Variants in DOCK2 observed in about 807,000 individuals in gnomAD.
DOCK2 encodes the protein dedicator of cytokinesis 2.
Under a neutral mutation model 248.9 loss-of-function variants are expected in DOCK2, and 87 were observed. That is an observed-to-expected ratio of 0.35 (90% CI 0.29 to 0.42). The LOEUF is 0.42. Ranked by LOEUF, DOCK2 falls within the 10% of genes least tolerant of loss-of-function variation. DOCK2 has a pLI of 1.00. For synonymous variants in DOCK2, 805 were observed against 821.6 expected (o/e 0.98, Z 0.35); for missense variants, 1,747 against 2,300.2 (o/e 0.76, Z 4.92).
chr5:170,025,819 C>CCTTCCTTCCTTCCTT (rs1412013470), intron 33 of DOCK2, among the ~76,000 whole-genome samples: 1 of 104,624 alleles, frequency 9.6e-6, no homozygotes. Flanking sequence ...TTCCTTCCTT[C>CCTTCCTTCCTTCCTT]CTTCCTTCCT....
intron 25 of DOCK2, among the ~76,000 whole-genome samples, chr5:169,800,798 T>C (rs1204706151): frequency 6.6e-6 from 1 of 152,098 alleles, no homozygotes; most frequent in East Asian, 1.9e-4. Context: ...GAACTAGTTA[T>C]CGGAGAGGAG....
At chr5:169,869,868 C>A (rs1239214777) in intron 27 of DOCK2, among the ~76,000 whole-genome samples, 1 of 152,210 alleles carries the variant, frequency 6.6e-6, no homozygotes, top group Non-Finnish European at 1.5e-5. Context: ...CCCATCCTTA[C>A]CATCTTCCAC....
intron 27 of DOCK2, among the ~76,000 whole-genome samples, chr5:169,879,130 A>G (rs552773708): frequency 2.0e-5 from 3 of 152,328 alleles, no homozygotes; most frequent in Admixed American, 6.5e-5. Flanking sequence ...AGGAAACCGT[A>G]TGCATGGCTA....
At position 169,831,415 on chromosome 5, in the gene DOCK2, C is replaced by T. The variant is rs972257157; in HGVS notation, c.2704-9342C>T. Among the ~76,000 whole-genome samples, 80 of 152,294 alleles carry T rather than the reference C, an allele frequency of 5.3e-4. 1 individual carries two copies. Among genetic ancestry groups the T allele is most frequent in the African/African-American group, 1.9e-3 (79 of 41,566 alleles). On this transcript the variant is annotated intron_variant, in intron 26 of 51. Transcript: ENST00000520908. ...TAGGTATTATAAACAATGCAATATG[C>T]TACAAGCAGCTGTGCACACAACTGT...
At position 170,012,731 on chromosome 5, in the gene DOCK2, C is replaced by A. The variant is rs145208070; in HGVS notation, c.3232+3985C>A. On this transcript the variant is annotated intron_variant, in intron 32 of 51. Coordinates refer to ENST00000520908, the MANE Select transcript of DOCK2 (RefSeq NM_004946.3). ...TTTACTTTTCCCAGTAGTATAGCAT[C>A]GTAACACTTGATTTCTGCTCGGCAT... 2.6e-5 allele frequency among the ~76,000 whole-genome samples: 4 copies of A among 152,268 alleles called. No individual in the cohort carries two copies. In the South Asian group the frequency reaches 8.3e-4, roughly 32 times the overall value.
chr5:169,988,454 G>A (rs1251906643), intron 29 of DOCK2, among the ~76,000 whole-genome samples: 2 of 152,078 alleles, frequency 1.3e-5, no homozygotes, highest in Admixed American at 6.6e-5. Flanking sequence ...AGAAACAGAA[G>A]CCATTTCATT....
At chr5:170,021,254 G>T (rs562962133) in intron 33 of DOCK2, among the ~76,000 whole-genome samples, 1 of 152,180 alleles carries the variant, frequency 6.6e-6, no homozygotes, top group Non-Finnish European at 1.5e-5. Flanking sequence ...AGGCAGCTTG[G>T]AATTTGCTGC....
At chr5:169,992,622 G>A (rs1049366475) in intron 29 of DOCK2, among the ~76,000 whole-genome samples, 11 of 152,046 alleles carry the variant, frequency 7.2e-5, no homozygotes, top group East Asian at 5.8e-4. Flanking sequence ...TCGCCACCAC[G>A]CCCAGCTAAT....
intron 41 of DOCK2, 22 bp from the exon 42 acceptor site, chr5:170,055,283 T>A: frequency 6.2e-7 from 1 of 1,612,488 alleles, no homozygotes; most frequent in East Asian, 2.2e-5. Flanking sequence ...CAGATATAAG[T>A]CCTTAACTAC....
chr5:169,954,392 T>TATTTTG (rs1776784234), intron 27 of DOCK2, among the ~76,000 whole-genome samples: 1 of 152,378 alleles, frequency 6.6e-6, no homozygotes, highest in South Asian at 2.1e-4. Flanking sequence ...AGCTTTTATC[T>TATTTTG]ATTTTGATTT....
chr5:169,881,394 G>A (rs1460552632), intron 27 of DOCK2: 5 of 1,551,490 alleles, frequency 3.2e-6, no homozygotes, highest in Non-Finnish European at 4.4e-6. Context: ...CCGTGTTCTG[G>A]CAGGTACTGC....
At chr5:169,937,545 A>G (rs73800249) in intron 27 of DOCK2, among the ~76,000 whole-genome samples, 2 of 152,368 alleles carry the variant, frequency 1.3e-5, no homozygotes, top group East Asian at 1.9e-4. Context: ...GATAATAGGA[A>G]CATATATTGA....
Position 169,761,522 on chromosome 5 carries a change from A to G in DOCK2, c.2451A>G (p.Gln817=), listed in dbSNP as rs746027569. 1.2e-6 allele frequency: 2 copies of G among 1,613,208 alleles called. No individual in the cohort carries two copies. Among genetic ancestry groups the G allele is most frequent in the East Asian group, 4.5e-5 (2 of 44,826 alleles). ...EMVFDAKLLS[Q]LLYEFYTCIP... ...CTCCTATTTTTCCTGCCCTCAGCCA[A>G]CTCCTGTATGAGTTCTACACCTGCA... Residue 817 remains glutamine, a synonymous_variant, in exon 25 of 52, where the codon CAA becomes CAG. Coordinates refer to ENST00000520908, the MANE Select transcript of DOCK2 (RefSeq NM_004946.3).
intron 27 of DOCK2, among the ~76,000 whole-genome samples, chr5:169,958,676 G>A (rs1483982304): frequency 6.6e-6 from 1 of 152,034 alleles, no homozygotes; most frequent in Non-Finnish European, 1.5e-5. Flanking sequence ...TAGGCGTGGA[G>A]CTCTCTTGAA....
At chr5:169,800,944 C>CTTTCTTTTTTTTTTTTTTTTT (rs1248380098) in intron 25 of DOCK2, among the ~76,000 whole-genome samples, 1 of 53,184 alleles carries the variant, frequency 1.9e-5, no homozygotes, top group Non-Finnish European at 2.9e-5. Context: ...TTCTTTCTTT[C>CTTTCTTTTTTTTTTTTTTTTT]TTTTTTTTTT....
intron 26 of DOCK2, among the ~76,000 whole-genome samples, chr5:169,822,607 A>G (rs1469059594): frequency 6.6e-6 from 1 of 152,212 alleles, no homozygotes; most frequent in East Asian, 1.9e-4. Context: ...TCTCTGGGAC[A>G]CCTTTAAAGC....
At chr5:169,842,278 C>G (rs1254702413) in intron 27 of DOCK2, among the ~76,000 whole-genome samples, 3 of 152,150 alleles carry the variant, frequency 2.0e-5, no homozygotes, top group African/African-American at 7.2e-5. Flanking sequence ...CTTTTTTGGG[C>G]CAGAGAGCCA....
intron 27 of DOCK2, among the ~76,000 whole-genome samples, chr5:169,862,086 C>T (rs185175464): frequency 2.6e-5 from 4 of 152,286 alleles, no homozygotes; most frequent in Non-Finnish European, 4.4e-5. Flanking sequence ...GTACCTCAAA[C>T]ATCTCTTTAT....
chr5:169,919,984 G>A (rs1367575230), intron 27 of DOCK2, among the ~76,000 whole-genome samples: 1 of 152,218 alleles, frequency 6.6e-6, no homozygotes, highest in East Asian at 1.9e-4. Flanking sequence ...ATACTTTAGT[G>A]ATACATGTTG....
Sources: allele counts gnomAD v4.1 joint callset (sites outside exome capture counted in the v4.1 genomes callset), GRCh38; gene constraint gnomAD v4.1.1; transcripts MANE v1.5; gene names NCBI Gene and HGNC (gene_info 2026-07-23, HGNC 2026-07-21).